Variants in NRG1 observed in about 807,000 individuals in gnomAD.
NRG1 encodes the protein neuregulin 1.
Under a neutral mutation model 63.8 loss-of-function variants are expected in NRG1, and 18 were observed. The observed-to-expected ratio is 0.28, with a 90% CI of 0.19 to 0.42. NRG1 has a LOEUF of 0.42. Ranked by LOEUF, NRG1 falls within the 10% of genes least tolerant of loss-of-function variation. The probability of loss-of-function intolerance (pLI) is 1.00; values close to 1 mark genes in which losing one functional copy is unlikely to be tolerated. For synonymous variants in NRG1, 302 were observed against 301.3 expected (o/e 1.00, Z -0.02); for missense variants, 762 against 814.7 (o/e 0.94, Z 0.79).
intron 1 of NRG1, among the ~76,000 whole-genome samples, chr8:32,053,297 C>T (rs780811891): frequency 6.6e-6 from 1 of 152,014 alleles, no homozygotes; most frequent in African/African-American, 2.4e-5. Context: ...AGTCAGAATA[C>T]CAGGCCGATA....
At chr8:32,371,331 A>G (rs908822164) in intron 1 of NRG1, among the ~76,000 whole-genome samples, 2 of 152,210 alleles carry the variant, frequency 1.3e-5, no homozygotes, top group Middle Eastern at 3.2e-3. Context: ...GACCATCGTA[A>G]GGTCTTTCCC....
chr8:32,034,874 AT>A (rs34186199), intron 1 of NRG1, among the ~76,000 whole-genome samples: 33,490 of 143,208 alleles, frequency 0.23, 4,781 homozygotes, highest in East Asian at 0.66. Flanking sequence ...TCTATTTTTA[AT>A]TTTTTTTTTC....
intron 1 of NRG1, among the ~76,000 whole-genome samples, chr8:32,537,195 CAA>C (rs71208193): frequency 1.2e-3 from 54 of 43,792 alleles, no homozygotes; most frequent in African/African-American, 2.2e-3. Context: ...GACTCCATCT[CAA>C]AAAAAAAAAA....
chr8:32,224,466 G>C (rs1484006461), intron 1 of NRG1, among the ~76,000 whole-genome samples: 1 of 152,154 alleles, frequency 6.6e-6, no homozygotes, highest in African/African-American at 2.4e-5. Context: ...AACTATCTGA[G>C]GATCAAGTGA....
chr8:32,401,006 C>T (rs1460568317), intron 1 of NRG1, among the ~76,000 whole-genome samples: 1 of 152,126 alleles, frequency 6.6e-6, no homozygotes, highest in Admixed American at 6.6e-5. Context: ...ATGGATGGAG[C>T]TGGAGGCCAT....
chr8:32,280,755 CATTTT>C (rs1444118785), intron 1 of NRG1, among the ~76,000 whole-genome samples: 4 of 18,382 alleles, frequency 2.2e-4, no homozygotes, highest in African/African-American at 5.1e-4. Context: ...TTTGTCCTTT[CATTTT>C]TTTTTTTTTT....
chr8:32,586,507 A>C (rs2129534116), intron 1 of NRG1, among the ~76,000 whole-genome samples: 1 of 152,302 alleles, frequency 6.6e-6, no homozygotes, highest in East Asian at 1.9e-4. Context: ...GATTTGGTTT[A>C]CATAGCTCAT....
At chr8:32,277,687 T>C (rs1852253018) in intron 1 of NRG1, among the ~76,000 whole-genome samples, 1 of 152,204 alleles carries the variant, frequency 6.6e-6, no homozygotes, top group African/African-American at 2.4e-5. Context: ...CATTTTTAAC[T>C]ATCGGGAGTT....
intron 1 of NRG1, among the ~76,000 whole-genome samples, chr8:32,154,843 C>T (rs1837879854): frequency 1.3e-5 from 2 of 152,152 alleles, no homozygotes; most frequent in South Asian, 4.1e-4. Flanking sequence ...TTTCACAAGT[C>T]CAGCAAGGAT....
chr8:31,876,579 A>G (rs746623040), intron 1 of NRG1, among the ~76,000 whole-genome samples: 7 of 152,226 alleles, frequency 4.6e-5, no homozygotes, highest in Non-Finnish European at 8.8e-5. Context: ...TAACACTATT[A>G]GTTATGGAGT....
intron 1 of NRG1, among the ~76,000 whole-genome samples, chr8:32,586,917 G>A (rs1437173416): frequency 6.6e-6 from 1 of 152,120 alleles, no homozygotes; most frequent in African/African-American, 2.4e-5. Flanking sequence ...TTGACTTGAG[G>A]GCATAGGAGG....
intron 1 of NRG1, among the ~76,000 whole-genome samples, chr8:32,489,519 C>T (rs2129494485): frequency 6.6e-6 from 1 of 152,264 alleles, no homozygotes. Context: ...GGGCACTGTC[C>T]TGCTCTGCTC....
chr8:32,545,450 T>A (rs948228117), upstream of NRG1, among the ~76,000 whole-genome samples: 1 of 151,514 alleles, frequency 6.6e-6, no homozygotes, highest in Non-Finnish European at 1.5e-5. Flanking sequence ...TTAAGATATG[T>A]CATCATTTCT....
chr8:32,407,863 G>A (rs576312991), intron 1 of NRG1, among the ~76,000 whole-genome samples: 2 of 152,238 alleles, frequency 1.3e-5, no homozygotes, highest in East Asian at 3.9e-4. Context: ...TTTGACTATA[G>A]GGTCTCAGCT....
At position 31,892,368 on chromosome 8, in the gene NRG1, A is replaced by G. The variant is rs1043821991; in HGVS notation, c.37+252937A>G. Among the ~76,000 whole-genome samples, 2 of 151,984 alleles carry G rather than the reference A, an allele frequency of 1.3e-5. 1 individual carries two copies. The highest frequency in any genetic ancestry group is 3.9e-4 in the East Asian group (2 of 5,192). On this transcript the variant is annotated intron_variant, in intron 1 of 10. Coordinates refer to the NRG1 transcript ENST00000519301. ...TTTTTGTTTCATTTCTGTTTTAGTA[A>G]CCTCTTAGAAAAAGGTAGTATTAAA...
chr8:32,569,510 C>T (rs1357412427), intron 1 of NRG1, among the ~76,000 whole-genome samples: 1 of 152,034 alleles, frequency 6.6e-6, no homozygotes, highest in Admixed American at 6.6e-5. Flanking sequence ...TCTATTTTCT[C>T]CTTTAAAAAA....
At chr8:32,455,418 A>G (rs998735602) in intron 1 of NRG1, among the ~76,000 whole-genome samples, 6 of 152,194 alleles carry the variant, frequency 3.9e-5, no homozygotes, top group Non-Finnish European at 7.3e-5. Context: ...ATTCCAAATT[A>G]TCTTTCATGG....
At chr8:32,040,711 C>CATATATAT (rs67857068) in intron 1 of NRG1, among the ~76,000 whole-genome samples, 1 of 85,298 alleles carries the variant, frequency 1.2e-5, no homozygotes, top group African/African-American at 4.3e-5. Flanking sequence ...GAAATTTAGG[C>CATATATAT]ATATATATAT....
intron 1 of NRG1, among the ~76,000 whole-genome samples, chr8:32,551,491 G>A (rs1353343681): frequency 1.3e-5 from 2 of 152,160 alleles, no homozygotes; most frequent in African/African-American, 2.4e-5. Flanking sequence ...TATATTGTAC[G>A]CATAGGCATA....
Sources: allele counts gnomAD v4.1 joint callset (sites outside exome capture counted in the v4.1 genomes callset), GRCh38; gene constraint gnomAD v4.1.1; transcripts MANE v1.5; gene names NCBI Gene and HGNC (gene_info 2026-07-23, HGNC 2026-07-21).